Variants in CLN8 observed in about 807,000 individuals in gnomAD.
CLN8 encodes CLN8 transmembrane ER and ERGIC protein, also known as protein CLN8.
Under a neutral mutation model 15.7 loss-of-function variants are expected in CLN8, and 14 were observed. The ratio of observed to expected loss-of-function variants is 0.89; its 90% CI spans 0.59 to 1.39. The LOEUF (loss-of-function observed/expected upper bound fraction) is 1.39, where lower values mean the gene tolerates loss of function less well. Ranked by LOEUF, CLN8 falls within the 40% of genes most tolerant of loss-of-function variation. The pLI, the probability that CLN8 is intolerant of heterozygous loss-of-function variation, is 0.00. For synonymous variants in CLN8, 188 were observed against 151.0 expected (o/e 1.25, Z -1.80); for missense variants, 415 against 364.0 (o/e 1.14, Z -1.14).
intron 2 of CLN8, among the ~76,000 whole-genome samples, chr8:1,779,252 T>C (rs1585149977): frequency 6.6e-6 from 1 of 152,206 alleles, no homozygotes; most frequent in Non-Finnish European, 1.5e-5. Flanking sequence ...TTTTATTTTA[T>C]TTTATTTTTT....
At chr8:1,779,814 C>T (rs1180140019) in intron 2 of CLN8, among the ~76,000 whole-genome samples, 7 of 152,150 alleles carry the variant, frequency 4.6e-5, no homozygotes, top group African/African-American at 9.7e-5. Context: ...CATCATGGGG[C>T]CTTACCCCCA....
chr8:1,765,547 G>A (rs920948165), intron 1 of CLN8, among the ~76,000 whole-genome samples: 2 of 152,184 alleles, frequency 1.3e-5, no homozygotes, highest in Non-Finnish European at 2.9e-5. Flanking sequence ...CAAAATGTTA[G>A]AAGTATAATT....
chr8:1,780,451 T>C lies in CLN8; in HGVS notation c.745T>C (p.Trp249Arg). ...GCTTACGCTAATCATTAATCCATAT[T>C]GGACCCATAAGAAGACTCAGCAGCT... ...ALLTLIINPY[W>R]THKKTQQLLN... Residue 249 changes from tryptophan to arginine, a missense_variant, in exon 3 of 3, where the codon TGG (tryptophan) becomes CGG (arginine). Coordinates refer to ENST00000331222, the MANE Select transcript of CLN8 (RefSeq NM_018941.4). 6.2e-7 allele frequency: 1 copy of C among 1,614,222 alleles called. No homozygotes were observed. Among genetic ancestry groups the C allele is most frequent in the Non-Finnish European group, 8.5e-7 (1 of 1,180,052 alleles).
chr8:1,773,118 G>A (rs1801379885), intron 2 of CLN8: 1 of 393,626 alleles, frequency 2.5e-6, no homozygotes, highest in Non-Finnish European at 4.5e-6. Flanking sequence ...GGAGGAACTT[G>A]TGTTCCTGGT....
chr8:1,756,737 C>T (rs908291682), intron 1 of CLN8, among the ~76,000 whole-genome samples: 1 of 142,998 alleles, frequency 7.0e-6, no homozygotes, highest in Non-Finnish European at 1.5e-5. Context: ...GGCTGGAGTG[C>T]AATGGCATGA....
intron 2 of CLN8, among the ~76,000 whole-genome samples, chr8:1,772,252 A>G (rs908003711): frequency 6.6e-6 from 1 of 151,960 alleles, no homozygotes; most frequent in Non-Finnish European, 1.5e-5. Context: ...AATACTTTAG[A>G]AAAACTGAAG....
upstream of CLN8, chr8:1,762,889 A>T (rs948895626): frequency 6.6e-6 from 1 of 152,244 alleles, no homozygotes; most frequent in Non-Finnish European, 1.5e-5. Context: ...ACGTGTATTG[A>T]TCATCAATTA....
intron 1 of CLN8, chr8:1,758,331 GA>G (rs1800719327): frequency 5.7e-5 from 1 of 17,650 alleles, no homozygotes; most frequent in Non-Finnish European, 1.7e-4. Context: ...TCAACACAAA[GA>G]GTCAAATTTG....
rs1315115288 is a variant in CLN8, at chr8:1,785,320, TA to T, written c.*4754del. 1 of 179,306 alleles carries T rather than the reference TA, an allele frequency of 5.6e-6. No homozygotes were observed. Among genetic ancestry groups the T allele is most frequent in the Non-Finnish European group, 1.2e-5 (1 of 83,200 alleles). 11.1% of individuals were successfully genotyped at this position (179,306 alleles called of 1,614,324 possible). Reference sequence around the variant, plus strand: ...TACGGTGACACAGGCGGCGTGCGGTTAGACAGGTACCGGTCAGATTACGGTG... The same window carrying T: ...TACGGTGACACAGGCGGCGTGCGGTTGACAGGTACCGGTCAGATTACGGTG... On this transcript the variant is annotated 3_prime_UTR_variant, in exon 3 of 3. Coordinates refer to ENST00000331222, the MANE Select transcript of CLN8 (RefSeq NM_018941.4).
At chr8:1,764,534 C>T (rs1414922569) in intron 1 of CLN8, 1 of 152,626 alleles carries the variant, frequency 6.6e-6, no homozygotes, top group Non-Finnish European at 1.5e-5. Flanking sequence ...GTGGCCTCCA[C>T]TGGTCACCGA....
chr8:1,760,729 G>C (rs1197580646), upstream of CLN8, among the ~76,000 whole-genome samples: 1 of 152,182 alleles, frequency 6.6e-6, no homozygotes, highest in Non-Finnish European at 1.5e-5. Context: ...GTCCAGTCCA[G>C]ACCCTAAGAG....
chr8:1,770,207 C>T (rs1262612513), intron 1 of CLN8, among the ~76,000 whole-genome samples: 1 of 152,126 alleles, frequency 6.6e-6, no homozygotes, highest in Non-Finnish European at 1.5e-5. Flanking sequence ...TAAGTGAGGA[C>T]CTGACAGGTA....
Position 1,771,443 on chromosome 8 carries a change from C to T in CLN8, c.389C>T (p.Thr130Ile), listed in dbSNP as rs1165037847. 3.7e-6 allele frequency: 6 copies of T among 1,614,220 alleles called. No individual in the cohort carries two copies. The highest frequency in any genetic ancestry group is 3.3e-5 in the Admixed American group (2 of 60,016). ...AVHLSNLIFR[T>I]FDLFLVIHHL... ...CACCTGTCCAACTTGATCTTCCGGA[C>T]ATTTGACTTGTTTCTGGTTATCCAC... The change falls in exon 2 of 3, where the codon ACA (threonine) becomes ATA (isoleucine). Residue 130 changes from threonine to isoleucine, a missense_variant. Physicochemically the swap from Thr to Ile is moderately conservative, Grantham distance 89 (BLOSUM62 -1). Coordinates refer to ENST00000331222, the MANE Select transcript of CLN8 (RefSeq NM_018941.4).
At chr8:1,755,303 G>A (rs1027207335), upstream of CLN8, among the ~76,000 whole-genome samples, 3 of 152,010 alleles carry the variant, frequency 2.0e-5, no homozygotes, top group African/African-American at 7.2e-5. Flanking sequence ...CCTTTACTCT[G>A]GGTCCAAACC....
chr8:1,771,667 C>G (rs1045641013), intron 2 of CLN8, 70 bp downstream of exon 2: 1 of 1,439,982 alleles, frequency 6.9e-7, no homozygotes, highest in Non-Finnish European at 9.6e-7. Flanking sequence ...ATGTCCTGGA[C>G]GCTGCCATAA....
rs1801770271 is a variant in CLN8, at chr8:1,783,994, C to T, written c.*3427C>T. 2 of 152,294 alleles carry T rather than the reference C, an allele frequency of 1.3e-5. No homozygotes were observed. The highest frequency in any genetic ancestry group is 2.4e-5 in the African/African-American group (1 of 41,458). 9.4% of individuals were successfully genotyped at this position (152,294 alleles called of 1,614,324 possible). ...CTAAGACTGGGTAGTTTATAAAGAA[C>T]AGACATTCAGGCCAGGCACGGTGAC... On this transcript the variant is annotated 3_prime_UTR_variant, in exon 3 of 3. Transcript: ENST00000331222.
chr8:1,782,077 A>C lies in CLN8; in HGVS notation c.*1510A>C, dbSNP rs1195807117. On this transcript the variant is annotated 3_prime_UTR_variant, in exon 3 of 3. Coordinates refer to ENST00000331222, the MANE Select transcript of CLN8 (RefSeq NM_018941.4). The stretch of plus-strand genomic sequence containing the variant: ...GTGGAAAACGTCGGCTGCTCGTGAG[A>C]ATCATGTGTGACTTACGTTCCTTAT... 6.6e-6 allele frequency: 1 copy of C among 152,142 alleles called. No homozygotes were observed. The highest frequency in any genetic ancestry group is 1.5e-5 in the Non-Finnish European group (1 of 68,044). 9.4% of individuals were successfully genotyped at this position (152,142 alleles called of 1,614,324 possible). A position where few individuals can be genotyped will look rare whatever the true frequency, so the allele number is the denominator to read the frequency against.
chr8:1,753,427 C>T (rs1211396541), upstream of CLN8, among the ~76,000 whole-genome samples: 2 of 151,760 alleles, frequency 1.3e-5, no homozygotes, highest in Non-Finnish European at 2.9e-5. Context: ...AAAAATTAGC[C>T]AGGCATGGTG....
chr8:1,775,683 C>A (rs1801483707), intron 2 of CLN8, among the ~76,000 whole-genome samples: 1 of 152,168 alleles, frequency 6.6e-6, no homozygotes. Context: ...AGACTGAGCT[C>A]GCGAGAGTCT....
Sources: allele counts gnomAD v4.1 joint callset (sites outside exome capture counted in the v4.1 genomes callset), GRCh38; gene constraint gnomAD v4.1.1; transcripts MANE v1.5; gene names NCBI Gene and HGNC (gene_info 2026-07-23, HGNC 2026-07-21).